Variants in SLC39A5 observed in about 807,000 individuals in gnomAD.
SLC39A5 encodes zinc transporter ZIP5.
In SLC39A5, 42 loss-of-function variants were observed where a neutral mutation model predicts 46.9. The observed-to-expected ratio is 0.90, with a 90% CI of 0.70 to 1.16. The LOEUF (loss-of-function observed/expected upper bound fraction) is 1.16, where lower values mean the gene tolerates loss of function less well. Ranked by LOEUF, SLC39A5 falls within the 50% of genes most tolerant of loss-of-function variation. The pLI is 0.00. For missense variants in SLC39A5, 677 were observed against 686.8 expected, an observed-to-expected ratio of 0.99 and a Z score of 0.16; for synonymous variants, 311 against 323.1, an observed-to-expected ratio of 0.96 and a Z score of 0.40.
At chr12:56,232,959 T>C in intron 5 of SLC39A5, 87 bp downstream of exon 5, 1 of 1,422,596 alleles carries the variant, frequency 7.0e-7, no homozygotes. Context: ...TTGTTTTGTT[T>C]TGTTTTTAAA....
rs371513876 is a variant in SLC39A5, at chr12:56,237,034, G to A, written c.1288+23G>A. 19 of 1,613,730 alleles carry A rather than the reference G, an allele frequency of 1.2e-5. No individual in the cohort carries two copies. The African/African-American group carries it at 2.4e-4, about 20-fold the overall frequency. On this transcript the variant is annotated intron_variant, in intron 11 of 12. Transcript: ENST00000454355. ...TGGGTAGGAATGGCAGGAGCAGGGTGGGGTGGACTCCAGAAAGGAGATAGC... is the reference window on the plus strand; with the variant it reads ...TGGGTAGGAATGGCAGGAGCAGGGTAGGGTGGACTCCAGAAAGGAGATAGC...
In SLC39A5 at chr12:56,237,176, G is replaced by C; in HGVS notation, c.1315G>C (p.Gly439Arg). The C allele has an allele frequency of 1.9e-6, 3 of 1,613,854 alleles. No individual in the cohort carries two copies. The highest frequency in any genetic ancestry group is 1.7e-6 in the Non-Finnish European group (2 of 1,180,020). The change falls in exon 12 of 13, where the codon GGG becomes CGG. Residue 439 changes from glycine to arginine, a missense_variant. By Grantham distance (125) the Gly-to-Arg change is moderately radical (BLOSUM62 -2). Transcript: ENST00000454355. Reference sequence around the variant, plus strand: ...TGACTTTGCCATGCTGCTCCAGTCAGGGCTGTCCTTTCGGCGGCTGCTGCT... The same window carrying C: ...TGACTTTGCCATGCTGCTCCAGTCACGGCTGTCCTTTCGGCGGCTGCTGCT... The part of the protein sequence containing the change: ...LGDFAMLLQS[G>R]LSFRRLLLLS...
chr12:56,237,491 G>T, intron 12 of SLC39A5, 97 bp from the exon 13 acceptor site: 1 of 1,583,244 alleles, frequency 6.3e-7, no homozygotes, highest in Non-Finnish European at 8.6e-7. Flanking sequence ...GGACTAAGGT[G>T]TTTGGGTGGG....
intron 4 of SLC39A5, 97 bp from the exon 5 acceptor site, chr12:56,232,592 G>A: frequency 9.1e-7 from 1 of 1,097,532 alleles, no homozygotes; most frequent in Non-Finnish European, 1.3e-6. Context: ...CCAGTCAGTG[G>A]CTAGTCCCCC....
At chr12:56,234,792 G>A (rs758949028) in intron 5 of SLC39A5, 32 bp from the exon 6 acceptor site, 2 of 1,611,822 alleles carry the variant, frequency 1.2e-6, no homozygotes, top group Non-Finnish European at 1.7e-6. Context: ...AGTTCCTGGT[G>A]ATTCTCCAAT....
intron 10 of SLC39A5, 79 bp from the exon 11 acceptor site, chr12:56,236,852 G>A (rs867393119): frequency 1.3e-6 from 2 of 1,596,152 alleles, no homozygotes; most frequent in South Asian, 2.3e-5. Context: ...GAGAGGACGG[G>A]AGGACCACGG....
Position 56,237,154 on chromosome 12 carries a change from C to T in SLC39A5, c.1293C>T (p.Asp431=). The change falls in exon 12 of 13, where the codon GAC becomes GAT. Residue 431 remains aspartate, a synonymous_variant. Coordinates refer to ENST00000454355, the MANE Select transcript of SLC39A5 (RefSeq NM_173596.3). ...FCHELPHELG[D]FAMLLQSGLS... is the part of the protein sequence containing the mutation. ...CCTGTCCTCTGTCTCCAATAGGTGA[C>T]TTTGCCATGCTGCTCCAGTCAGGGC... The T allele has an allele frequency of 6.2e-7, 1 of 1,613,814 alleles. No homozygotes were observed. The highest frequency in any genetic ancestry group is 8.5e-7 in the Non-Finnish European group (1 of 1,180,014).
intron 10 of SLC39A5, 64 bp downstream of exon 10, chr12:56,236,810 T>TG (rs748008070): frequency 1.2e-5 from 19 of 1,577,044 alleles, no homozygotes; most frequent in Non-Finnish European, 1.6e-5. Context: ...AGTTATCAGC[T>TG]GGGGCTAGGA....
At chr12:56,234,273 G>A (rs946709474) in intron 5 of SLC39A5, among the ~76,000 whole-genome samples, 5 of 150,800 alleles carry the variant, frequency 3.3e-5, no homozygotes, top group African/African-American at 7.3e-5. Flanking sequence ...TCAGCCTCCC[G>A]AGTAGCTGGG....
At chr12:56,234,314 ATT>A (rs149900118) in intron 5 of SLC39A5, among the ~76,000 whole-genome samples, 23 of 117,812 alleles carry the variant, frequency 2.0e-4, no homozygotes, top group East Asian at 7.1e-4. Flanking sequence ...TCCCCAGCTA[ATT>A]TTTTTTTTTT....
intron 5 of SLC39A5, 53 bp from the exon 6 acceptor site, chr12:56,234,771 A>C: frequency 6.2e-7 from 1 of 1,600,664 alleles, no homozygotes; most frequent in Non-Finnish European, 8.6e-7. Context: ...GGTGTTAAAG[A>C]TCTGAGTCAT....
rs1270908972 is a variant in SLC39A5 at position 56,236,944 on chromosome 12, T to C, written c.1221T>C (p.Ser407=). The change falls in exon 11 of 13, where the codon TCT becomes TCC. Residue 407 remains serine, a synonymous_variant. Coordinates refer to ENST00000454355, the MANE Select transcript of SLC39A5 (RefSeq NM_173596.3). ...TDGLAIGAAF[S]DGFSSGLSTT... ...TGCTGGCCCCAGGTGCTGCCTTCTCTGATGGCTTCTCCAGCGGCCTCAGTA... is the reference window on the plus strand; with the variant it reads ...TGCTGGCCCCAGGTGCTGCCTTCTCCGATGGCTTCTCCAGCGGCCTCAGTA... 2 of 1,614,134 alleles carry C rather than the reference T, an allele frequency of 1.2e-6. No homozygotes were observed. Among genetic ancestry groups the C allele is most frequent in the Non-Finnish European group, 1.7e-6 (2 of 1,179,976 alleles).
chr12:56,236,824 G>A (rs1870827364), intron 10 of SLC39A5, 78 bp downstream of exon 10: 7 of 1,582,546 alleles, frequency 4.4e-6, no homozygotes, highest in South Asian at 1.2e-5. Flanking sequence ...GCTAGGAGAG[G>A]GCCGTCAGGA....
chr12:56,236,297 G>A (rs111862636), intron 8 of SLC39A5, 99 bp from the exon 9 acceptor site: 27 of 1,074,034 alleles, frequency 2.5e-5, no homozygotes, highest in South Asian at 2.2e-4. Context: ...GGTGCCAGAG[G>A]TGGAACCAGG....
At position 56,237,604 on chromosome 12, in the gene SLC39A5, G is replaced by A. The variant is rs371179560; in HGVS notation, c.1496G>A (p.Arg499His). The A allele has an allele frequency of 1.8e-4, 284 of 1,613,678 alleles. No homozygotes were observed. The highest frequency in any genetic ancestry group is 1.1e-3 in the East Asian group (51 of 44,860). ...ALVDMLPALL[R>H]PPEPLPTPHV... ...TTCTTTCAGCTACCAGCCCTGCTTC[G>A]TCCTCCGGAGCCCCTGCCTACGCCC... The change falls in exon 13 of 13, where the codon CGT becomes CAT. Residue 499 changes from arginine to histidine, a missense_variant. Arg to His is a conservative substitution (Grantham distance 29, BLOSUM62 0). Transcript: ENST00000454355.
Position 56,231,250 on chromosome 12 carries a change from A to G in SLC39A5, c.-25A>G, listed in dbSNP as rs1368515001. 6.4e-7 allele frequency: 1 copy of G among 1,561,584 alleles called. No homozygotes were observed. Among genetic ancestry groups the G allele is most frequent in the Non-Finnish European group, 8.7e-7 (1 of 1,153,946 alleles). ...CGGGGAGAATAGGAGCCAGAACCTG[A>G]GCCCCTAAGCTATTCCCCTCACCAA... On this transcript the variant is annotated 5_prime_UTR_variant, in exon 4 of 13. Transcript: ENST00000454355.
intron 4 of SLC39A5, among the ~76,000 whole-genome samples, chr12:56,232,161 CTTTTTTTTT>C (rs767220492): frequency 7.3e-4 from 86 of 117,226 alleles, no homozygotes; most frequent in African/African-American, 2.6e-3. Context: ...CTTTTCTTTT[CTTTTTTTTT>C]TTTTTTTTTT....
chr12:56,235,234 G>A lies in SLC39A5; in HGVS notation c.712G>A (p.Gly238Arg), dbSNP rs1328400328. The part of the protein sequence containing the change: ...PLSLLLLRLL[G>R]PRLLRPLLGF... ...ATCCCTGCTGCTGCTGCGGCTCCTG[G>A]GACCTCGTCTACTACGGCCCTTGCT... Residue 238 changes from glycine to arginine, a missense_variant, in exon 7 of 13, where the codon GGA becomes AGA. Gly to Arg is a moderately radical substitution (Grantham distance 125). Coordinates refer to ENST00000454355, the MANE Select transcript of SLC39A5 (RefSeq NM_173596.3). The A allele has an allele frequency of 1.9e-6, 3 of 1,586,086 alleles. No homozygotes were observed. Among genetic ancestry groups the A allele is most frequent in the Non-Finnish European group, 2.6e-6 (3 of 1,168,004 alleles).
intron 4 of SLC39A5, among the ~76,000 whole-genome samples, chr12:56,232,269 G>A (rs1371910936): frequency 6.9e-6 from 1 of 145,702 alleles, no homozygotes; most frequent in Non-Finnish European, 1.5e-5. Flanking sequence ...CGGTTCAAGC[G>A]ATTCTCCTGC....
Sources: gnomAD v4.1 joint callset for allele counts (sites outside exome capture counted in the v4.1 genomes callset) on GRCh38, gnomAD v4.1.1 for gene constraint, MANE v1.5 for transcripts, NCBI Gene and HGNC (gene_info 2026-07-23, HGNC 2026-07-21) for gene names.